The following NEB variants were observed in gnomAD, a reference collection of about 807,000 sequenced individuals.
The protein encoded by NEB is nemaline myopathy type 2.
NEB carries 512 observed loss-of-function variants against 952.2 expected under a neutral mutation model. The observed-to-expected ratio is 0.54, with a 90% CI of 0.50 to 0.58. The LOEUF is 0.58. Among genes scored for constraint, NEB ranks in the 20% least tolerant of loss-of-function variants. The pLI is 0.00. For missense variants in NEB, 8,428 were observed against 9,231.1 expected, an observed-to-expected ratio of 0.91 and a Z score of 3.56; for synonymous variants, 2,900 against 3,149.8, an observed-to-expected ratio of 0.92 and a Z score of 2.66.
chr2:151,546,108 GT>G, intron 134 of NEB, 110 bp from the exon 135 acceptor site: 2 of 814,108 alleles, frequency 2.5e-6, no homozygotes, highest in South Asian at 3.3e-5. Flanking sequence ...GGGCTTTCAT[GT>G]GTCCTGGATG....
At chr2:151,694,688 A>G in intron 18 of NEB, 59 bp from the exon 19 acceptor site, 2 of 1,337,424 alleles carry the variant, frequency 1.5e-6, no homozygotes, top group Non-Finnish European at 2.1e-6. Context: ...CACGACCTTT[A>G]AAGACTAGTG....
rs2098275947 is a variant in NEB at position 151,618,413 on chromosome 2, T to C, written c.10938A>G (p.Glu3646=). The C allele has an allele frequency of 6.2e-7, 1 of 1,613,814 alleles. No individual in the cohort carries two copies. The highest frequency in any genetic ancestry group is 8.5e-7 in the Non-Finnish European group (1 of 1,179,878). The change falls in exon 74 of 182, where the codon GAA becomes GAG. Residue 3646 remains glutamate, a synonymous_variant. Transcript: ENST00000397345. ...GIGWVPIDSL[E]VVRAKRAGEL... is the part of the protein sequence containing the mutation. ...CTCCAGCTCTCTTGGCCCTAACAAC[T>C]TCCAAGGAATCAATCGGAACCCAGC...
rs2099708253 is a variant in NEB at position 151,706,767 on chromosome 2, C to T, written c.1152+114G>A. On this transcript the variant is annotated intron_variant, in intron 13 of 181. Coordinates refer to ENST00000397345, the MANE Select transcript of NEB (RefSeq NM_001164508.2). ...TTACATAGTTCCAATGAACCTACCA[C>T]TCCATAACCTTAATGTATTTGCAAA... 2.4e-5 allele frequency: 18 copies of T among 744,478 alleles called. No homozygotes were observed. The South Asian group carries it at 2.9e-4, about 12-fold the overall frequency. The allele number at this position is 744,478 out of a possible 1,614,324, so 46.1% of individuals were successfully genotyped here. A position where few individuals can be genotyped will look rare whatever the true frequency, so the allele number is the denominator to read the frequency against.
At chr2:151,595,304 G>A (rs1339968488) in intron 92 of NEB, among the ~76,000 whole-genome samples, 2 of 150,014 alleles carry the variant, frequency 1.3e-5, no homozygotes, top group South Asian at 2.1e-4. Context: ...AGGCTGGAAC[G>A]CAATGGCATG....
chr2:151,519,831 T>C, intron 153 of NEB, 63 bp from the exon 154 acceptor site: 1 of 1,089,610 alleles, frequency 9.2e-7, no homozygotes, highest in South Asian at 1.2e-5. Flanking sequence ...AATTGGGGAA[T>C]AGTAGAAACA....
At chr2:151,724,500 C>A (rs897530946) in intron 7 of NEB, 136 bp from the exon 8 acceptor site, 6 of 678,358 alleles carry the variant, frequency 8.8e-6, no homozygotes, top group South Asian at 8.6e-5. Flanking sequence ...ATTGACCATG[C>A]CAACATCCTA....
At chr2:151,650,050 A>G in intron 54 of NEB, 126 bp downstream of exon 54, 1 of 853,730 alleles carries the variant, frequency 1.2e-6, no homozygotes, top group Non-Finnish European at 1.8e-6. Context: ...ATGATCCAAT[A>G]TAAAATTTTA....
At chr2:151,691,509 CTTT>C (rs1269887609) in intron 23 of NEB, among the ~76,000 whole-genome samples, 1 of 152,192 alleles carries the variant, frequency 6.6e-6, no homozygotes, top group Non-Finnish European at 1.5e-5. Flanking sequence ...AGGTGGCTGG[CTTT>C]TTCTCTGTCT....
chr2:151,670,824 C>G (rs1019687849), intron 38 of NEB, among the ~76,000 whole-genome samples, 199 bp downstream of exon 38: 1 of 152,136 alleles, frequency 6.6e-6, no homozygotes, highest in African/African-American at 2.4e-5. Flanking sequence ...TTGGAATAGT[C>G]CCCCATTTTC....
At chr2:151,630,951 G>A (rs1353219440) in intron 66 of NEB, 132 bp from the exon 67 acceptor site, 2 of 1,136,792 alleles carry the variant, frequency 1.8e-6, no homozygotes, top group Non-Finnish European at 2.5e-6. Context: ...TCTACTGGAA[G>A]TGTGAGTCTT....
At chr2:151,616,153 A>G in intron 75 of NEB, 44 bp from the exon 76 acceptor site, 2 of 1,318,408 alleles carry the variant, frequency 1.5e-6, no homozygotes, top group Non-Finnish European at 2.2e-6. Context: ...TTCCATAAAA[A>G]GTGAAGCTGT....
At chr2:151,571,758 G>A (rs10497085) in intron 107 of NEB, among the ~76,000 whole-genome samples, 5,784 of 152,222 alleles carry the variant, frequency 0.038, 304 homozygotes, top group East Asian at 0.15. Context: ...ATAACAGAGA[G>A]ACTCGGAAAT....
chr2:151,514,872 C>T lies in NEB; in HGVS notation c.22962G>A (p.Leu7654=), dbSNP rs2076747470. ...ESIKGRNLTG[L]EVTPALLHVK... ...CATGTAACAAAGCTGGCGTGACCTC[C>T]AGGCCAGTCAGGTTTCTGCCTTTAA... Residue 7654 remains leucine, a synonymous_variant, in exon 158 of 182, where the codon CTG becomes CTA. Coordinates refer to ENST00000397345, the MANE Select transcript of NEB (RefSeq NM_001164508.2). The T allele has an allele frequency of 1.3e-6, 2 of 1,588,234 alleles. No homozygotes were observed. Among genetic ancestry groups the T allele is most frequent in the Admixed American group, 3.5e-5 (2 of 56,498 alleles).
rs2096342918 is a variant in NEB at position 151,565,752 on chromosome 2, A to G, written c.18225T>C (p.His6075=). The change falls in exon 115 of 182, where the codon CAT becomes CAC. Residue 6075 remains histidine, a synonymous_variant. Transcript: ENST00000397345. Reference sequence around the variant, plus strand: ...TTTCCTGGTTCTTAGTAACCCTTACATGGTCCACAGAATCCAGTGGGATCC... The same window carrying G: ...TTTCCTGGTTCTTAGTAACCCTTACGTGGTCCACAGAATCCAGTGGGATCC... The part of the protein sequence containing the change: ...IGWIPLDSVD[H]VRVTKNQEMM... 3.1e-6 allele frequency: 5 copies of G among 1,612,602 alleles called. No individual in the cohort carries two copies. Among genetic ancestry groups the G allele is most frequent in the Middle Eastern group, 1.6e-4 (1 of 6,078 alleles).
At chr2:151,614,708 G>T (rs1315805374) in intron 76 of NEB, 121 bp from the exon 77 acceptor site, 21 of 1,191,714 alleles carry the variant, frequency 1.8e-5, no homozygotes, top group Non-Finnish European at 2.4e-5. Context: ...AGAAAAGTGA[G>T]TATCATCAAC....
chr2:151,555,140 T>C lies in NEB; in HGVS notation c.19315-96A>G, dbSNP rs2095565783. Reference sequence around the variant, plus strand: ...AGACTTAATGGGAAAAACCCGACTCTGAGATCCACCCAGCGTTGGGGACAA... The same window carrying C: ...AGACTTAATGGGAAAAACCCGACTCCGAGATCCACCCAGCGTTGGGGACAA... On this transcript the variant is annotated intron_variant, in intron 124 of 181. Coordinates refer to ENST00000397345, the MANE Select transcript of NEB (RefSeq NM_001164508.2). 2.7e-5 allele frequency: 22 copies of C among 828,290 alleles called. No individual in the cohort carries two copies. In the South Asian group the frequency reaches 2.8e-4, roughly 11 times the overall value. The allele number at this position is 828,290 out of a possible 1,614,324, so 51.3% of individuals were successfully genotyped here.
chr2:151,729,767 T>A, intron 3 of NEB, 111 bp from the exon 4 acceptor site: 1 of 1,151,054 alleles, frequency 8.7e-7, no homozygotes, highest in Admixed American at 1.7e-5. Flanking sequence ...ATTTGGAATG[T>A]CTGTGGGAAA....
chr2:151,665,950 G>C, intron 41 of NEB, 140 bp downstream of exon 41: 1 of 837,292 alleles, frequency 1.2e-6, no homozygotes, highest in African/African-American at 1.7e-5. Context: ...TAGTTCAAAT[G>C]AGTGAAATCC....
At chr2:151,520,788 C>T (rs766080804) in intron 153 of NEB, among the ~76,000 whole-genome samples, 18 of 152,226 alleles carry the variant, frequency 1.2e-4, no homozygotes, top group South Asian at 4.1e-4. Flanking sequence ...CACTTGAGCC[C>T]GGGAGGTGGA....
Sources: allele counts gnomAD v4.1 joint callset (sites outside exome capture counted in the v4.1 genomes callset), GRCh38; gene constraint gnomAD v4.1.1; transcripts MANE v1.5; gene names NCBI Gene and HGNC (gene_info 2026-07-23, HGNC 2026-07-21).